PPFIBP1: variants seen among roughly 807,000 people sequenced by gnomAD.
PPFIBP1 encodes the protein liprin-beta-1.
A neutral mutation model predicts 137.8 loss-of-function variants in PPFIBP1; 112 were observed. The ratio of observed to expected loss-of-function variants is 0.81; its 90% confidence interval spans 0.70 to 0.95. PPFIBP1 has a LOEUF of 0.95. Ranked by LOEUF, PPFIBP1 falls within the 40% of genes least tolerant of loss-of-function variation. PPFIBP1 has a pLI of 0.00. For synonymous variants in PPFIBP1, 378 were observed against 417.3 expected, an observed-to-expected ratio of 0.91 and a Z score of 1.15; for missense variants, 1,083 against 1,196.6, an observed-to-expected ratio of 0.91 and a Z score of 1.40.
intron 2 of PPFIBP1, among the ~76,000 whole-genome samples, chr12:27,623,915 C>T (rs752062007): frequency 1.3e-5 from 2 of 152,032 alleles, no homozygotes; most frequent in African/African-American, 2.4e-5. Context: ...CTAGAAGATG[C>T]GGAGCAGATA....
chr12:27,542,255 G>T (rs1945753582), intron 1 of PPFIBP1, among the ~76,000 whole-genome samples: 1 of 152,194 alleles, frequency 6.6e-6, no homozygotes, highest in Non-Finnish European at 1.5e-5. Context: ...AAGTAATCCA[G>T]AGATGATTTA....
At chr12:27,572,341 T>A (rs1048856848) in intron 1 of PPFIBP1, among the ~76,000 whole-genome samples, 11 of 152,234 alleles carry the variant, frequency 7.2e-5, no homozygotes, top group Non-Finnish European at 1.2e-4. Context: ...CTACATATGT[T>A]TACTTTTATA....
chr12:27,541,627 C>T (rs1002323921), intron 1 of PPFIBP1, among the ~76,000 whole-genome samples: 2 of 152,166 alleles, frequency 1.3e-5, no homozygotes, highest in African/African-American at 2.4e-5. Context: ...AGCCCACAGC[C>T]CTATTGCAGC....
intron 13 of PPFIBP1, among the ~76,000 whole-genome samples, chr12:27,667,840 A>G (rs2059954089): frequency 6.6e-6 from 1 of 152,070 alleles, no homozygotes; most frequent in Admixed American, 6.5e-5. Flanking sequence ...ATTTAGAACA[A>G]CTACATGTGA....
chr12:27,592,486 T>C, intron 2 of PPFIBP1: 1 of 1,135,958 alleles, frequency 8.8e-7, no homozygotes, highest in South Asian at 1.5e-5. Context: ...TTCAAGGGTT[T>C]CTTGAGGTTG....
At chr12:27,676,346 G>A (rs990921971) in intron 17 of PPFIBP1, 82 bp from the exon 18 acceptor site, 31 of 1,090,434 alleles carry the variant, frequency 2.8e-5, no homozygotes, top group South Asian at 2.6e-4. Flanking sequence ...GATGTGGCGT[G>A]AGTGAGTATT....
At chr12:27,658,916 A>G (rs1380192189) in intron 10 of PPFIBP1, 68 bp downstream of exon 10, 4 of 1,463,532 alleles carry the variant, frequency 2.7e-6, no homozygotes, top group Non-Finnish European at 3.8e-6. Flanking sequence ...TGTTCTTTGC[A>G]TGTGTTTTAA....
chr12:27,532,169 C>T (rs987109204), intron 1 of PPFIBP1, among the ~76,000 whole-genome samples: 1 of 152,188 alleles, frequency 6.6e-6, no homozygotes, highest in Non-Finnish European at 1.5e-5. Flanking sequence ...GTACAAGATC[C>T]TCTTGGAGAC....
intron 3 of PPFIBP1, among the ~76,000 whole-genome samples, chr12:27,633,954 A>G (rs893895275): frequency 6.7e-6 from 1 of 148,612 alleles, no homozygotes; most frequent in African/African-American, 2.5e-5. Flanking sequence ...TCTCTGCCTC[A>G]GCCTCCCAAG....
intron 1 of PPFIBP1, among the ~76,000 whole-genome samples, chr12:27,552,035 T>G (rs1946837976): frequency 6.6e-6 from 1 of 152,186 alleles, no homozygotes; most frequent in African/African-American, 2.4e-5. Context: ...ACAAGGGGGA[T>G]GGGTTAGATA....
At chr12:27,534,021 C>T (rs191527805) in intron 1 of PPFIBP1, among the ~76,000 whole-genome samples, 157 of 152,286 alleles carry the variant, frequency 1.0e-3, no homozygotes, top group African/African-American at 3.5e-3. Flanking sequence ...TTGAGGACTA[C>T]ACGGGGGCTG....
chr12:27,608,560 C>T (rs2054765028), intron 2 of PPFIBP1, among the ~76,000 whole-genome samples: 1 of 152,156 alleles, frequency 6.6e-6, no homozygotes, highest in South Asian at 2.1e-4. Context: ...ATGATTTCAC[C>T]TCTTAAGTAA....
intron 4 of PPFIBP1, among the ~76,000 whole-genome samples, chr12:27,639,886 C>T (rs999502700): frequency 2.0e-5 from 3 of 152,190 alleles, no homozygotes; most frequent in Admixed American, 6.5e-5. Context: ...GTCCCTGACT[C>T]CCAGCCCCAC....
At position 27,679,913 on chromosome 12, in the gene PPFIBP1, A is replaced by T. The variant is rs1238159830; in HGVS notation, c.1767-20A>T. The T allele has an allele frequency of 1.2e-6, 2 of 1,613,978 alleles. No homozygotes were observed. The highest frequency in any genetic ancestry group is 2.7e-5 in the African/African-American group (2 of 75,060). ...GGCCTCCTCAGGTCTAATACTGGCCATGTGTGTTGTCTTCTTTAGACTTAG... is the reference window on the plus strand; with the variant it reads ...GGCCTCCTCAGGTCTAATACTGGCCTTGTGTGTTGTCTTCTTTAGACTTAG... On this transcript the variant is annotated intron_variant, in intron 20 of 29. Coordinates refer to ENST00000228425, the MANE Select transcript of PPFIBP1 (RefSeq NM_003622.4).
At chr12:27,593,529 T>A (rs2052791759) in intron 2 of PPFIBP1, 3 of 391,714 alleles carry the variant, frequency 7.7e-6, no homozygotes, top group Non-Finnish European at 1.5e-5. Context: ...CCTGAACCAT[T>A]TCTGGAGGGG....
intron 7 of PPFIBP1, among the ~76,000 whole-genome samples, chr12:27,650,804 C>G (rs778197439): frequency 6.6e-6 from 1 of 152,176 alleles, no homozygotes; most frequent in Non-Finnish European, 1.5e-5. Context: ...TGACATTTGG[C>G]AAGTTCTTAA....
At chr12:27,537,333 A>G (rs57479422) in intron 1 of PPFIBP1, among the ~76,000 whole-genome samples, 25,246 of 152,012 alleles carry the variant, frequency 0.17, 2,358 homozygotes, top group Middle Eastern at 0.26. Context: ...GGGTTTCACT[A>G]TGTTGGCCAG....
chr12:27,628,478 C>T (rs1387252933), intron 2 of PPFIBP1, among the ~76,000 whole-genome samples: 1 of 152,136 alleles, frequency 6.6e-6, no homozygotes, highest in East Asian at 1.9e-4. Context: ...TGTGCTTGGC[C>T]TTGGATGGTG....
At chr12:27,691,486 C>T (rs1027837159) in intron 27 of PPFIBP1, among the ~76,000 whole-genome samples, 4 of 151,988 alleles carry the variant, frequency 2.6e-5, no homozygotes, top group Non-Finnish European at 5.9e-5. Flanking sequence ...AGCTATTTGG[C>T]GTGAATAAGA....
Sources: gnomAD v4.1 joint callset for allele counts (sites outside exome capture counted in the v4.1 genomes callset) on GRCh38, gnomAD v4.1.1 for gene constraint, MANE v1.5 for transcripts, NCBI Gene and HGNC (gene_info 2026-07-23, HGNC 2026-07-21) for gene names.